The following RAB15 variants were observed in gnomAD, a reference collection of about 807,000 sequenced individuals.
RAB15 encodes ras-related protein Rab-15.
A neutral mutation model predicts 31.8 loss-of-function variants in RAB15; 13 were observed. That is an observed-to-expected ratio of 0.41 (90% confidence interval 0.27 to 0.65). The LOEUF (loss-of-function observed/expected upper bound fraction) is 0.65. Ranked by LOEUF, RAB15 falls within the 30% of genes least tolerant of loss-of-function variation. The pLI is 0.32. For synonymous variants in RAB15, 100 were observed against 105.6 expected (o/e 0.95, Z 0.33); for missense variants, 220 against 277.3 (o/e 0.79, Z 1.47).
Position 64,951,192 on chromosome 14 carries a change from A to G in RAB15, c.247-41T>C, listed in dbSNP as rs773502448. 11 of 1,531,844 alleles carry G rather than the reference A, an allele frequency of 7.2e-6. No individual in the cohort carries two copies. Among genetic ancestry groups the G allele is most frequent in the Admixed American group, 3.4e-5 (2 of 59,652 alleles). The allele number at this position is 1,531,844 out of a possible 1,614,324, so 94.9% of individuals were successfully genotyped here. ...ATAGAGAGATGTGATATGCACAGAG[A>G]GAGTGCAGTCATGGGGCCAGAAGGG... is the stretch of plus-strand genomic sequence containing the variant. On this transcript the variant is annotated intron_variant, in intron 3 of 6. Coordinates refer to ENST00000533601, the MANE Select transcript of RAB15 (RefSeq NM_001308154.2). The surrounding 1 kb of genome is among the most constrained non-coding windows in gnomAD (Gnocchi z 7.2).
At position 64,954,130 on chromosome 14, in the gene RAB15, C is replaced by T. The variant is rs1034393873; in HGVS notation, c.125-1559G>A. 21 of 985,286 alleles carry T rather than the reference C, an allele frequency of 2.1e-5. No individual in the cohort carries two copies. The African/African-American group carries it at 2.8e-4, about 13-fold the overall frequency. 61.0% of individuals were successfully genotyped at this position (985,286 alleles called of 1,614,324 possible). A position where few individuals can be genotyped will look rare whatever the true frequency, so the allele number is the denominator to read the frequency against. On this transcript the variant is annotated intron_variant, in intron 1 of 6. Transcript: ENST00000533601. The surrounding 1 kb of genome is among the most constrained non-coding windows in gnomAD (Gnocchi z 4.3). ...CCTGAACTAAATCGATTTGGTCAGA[C>T]GTGAATCATTTCTCGCCTGCCCAAG... is the stretch of plus-strand genomic sequence containing the variant.
rs148536420 is a variant in RAB15, at chr14:64,953,873, G to A, written c.125-1302C>T. The A allele has an allele frequency of 7.5e-5, 74 of 985,330 alleles. No homozygotes were observed. The East Asian group carries it at 2.6e-3, about 35-fold the overall frequency. 61.0% of individuals were successfully genotyped at this position (985,330 alleles called of 1,614,324 possible). A position where few individuals can be genotyped will look rare whatever the true frequency, so the allele number is the denominator to read the frequency against. On this transcript the variant is annotated intron_variant, in intron 1 of 6. Coordinates refer to ENST00000533601, the MANE Select transcript of RAB15 (RefSeq NM_001308154.2). This position sits in a 1 kb window ranked among gnomAD's most constrained non-coding sequence, Gnocchi z 4.6. ...TGGGAACATGGTAGAGTTCCGAACC[G>A]TCTGCCACCAGCTGCACTGCCCGGC...
chr14:64,952,695 G>A lies in RAB15; in HGVS notation c.125-124C>T, dbSNP rs1886327689. On this transcript the variant is annotated intron_variant, in intron 1 of 6. Transcript: ENST00000533601. The surrounding 1 kb of genome is among the most constrained non-coding windows in gnomAD (Gnocchi z 4.2). Reference sequence around the variant, plus strand: ...TAATTTGGCAAAGGGATGAAGTAATGTAAAGGCCTTCTTTAAGCAGAAACT... The same window carrying A: ...TAATTTGGCAAAGGGATGAAGTAATATAAAGGCCTTCTTTAAGCAGAAACT... 1.6e-6 allele frequency: 1 copy of A among 638,034 alleles called. No homozygotes were observed. The highest frequency in any genetic ancestry group is 2.8e-5 in the Admixed American group (1 of 35,584). The allele number at this position is 638,034 out of a possible 1,614,324, so 39.5% of individuals were successfully genotyped here.
In RAB15 at chr14:64,951,762, TA is replaced by T; in HGVS notation, c.186-100del. The T allele has an allele frequency of 9.6e-7, 1 of 1,045,382 alleles. No homozygotes were observed. 64.8% of individuals were successfully genotyped at this position (1,045,382 alleles called of 1,614,324 possible). ...CCCCTTGTAGGAAAAACTGGGGAGC[TA>T]AAGGGTGAAAAACCAGGGATGCTTG... On this transcript the variant is annotated intron_variant, in intron 2 of 6. Coordinates refer to ENST00000533601, the MANE Select transcript of RAB15 (RefSeq NM_001308154.2). The surrounding 1 kb of genome is among the most constrained non-coding windows in gnomAD (Gnocchi z 7.2).
At chr14:64,961,061 C>G (rs1039002667) in intron 1 of RAB15, among the ~76,000 whole-genome samples, 41 of 152,070 alleles carry the variant, frequency 2.7e-4, no homozygotes, top group African/African-American at 9.9e-4. Flanking sequence ...CAGGATCAAC[C>G]ACAGCCCAAA....
Position 64,962,530 on chromosome 14 carries a change from TAG to T in RAB15, c.124+9421_124+9422del, listed in dbSNP as rs1566847610. On this transcript the variant is annotated intron_variant, in intron 1 of 6. Transcript: ENST00000533601. The surrounding 1 kb of genome is among the most constrained non-coding windows in gnomAD (Gnocchi z 4.2). ...GATAAGAAGCAACTGCGGGATAAAG[TAG>T]AGAGTGAGGAGACCCCAAGCACAAG... Among the ~76,000 whole-genome samples, 3 of 152,058 alleles carry T rather than the reference TAG, an allele frequency of 2.0e-5. No individual in the cohort carries two copies. The highest frequency in any genetic ancestry group is 7.2e-5 in the African/African-American group (3 of 41,404).
intron 1 of RAB15, among the ~76,000 whole-genome samples, chr14:64,964,768 G>T (rs113600249): frequency 2.6e-5 from 4 of 151,962 alleles, no homozygotes; most frequent in African/African-American, 9.6e-5. Flanking sequence ...GTAGAGATGA[G>T]GTTTCACTAT....
Position 64,972,056 on chromosome 14 carries a change from C to A in RAB15, c.21G>T (p.Val7=), listed in dbSNP as rs1366916171. The A allele has an allele frequency of 6.2e-7, 1 of 1,610,210 alleles. No individual in the cohort carries two copies. Among genetic ancestry groups the A allele is most frequent in the African/African-American group, 1.3e-5 (1 of 74,902 alleles). MAKQYD[V]LFRLLLIGDS... is the part of the protein sequence containing the mutation. Reference sequence around the variant, plus strand: ...CCCCGATCAGCAGCAGCCGGAACAGCACATCGTACTGCTTCGCCATGACTG... The same window carrying A: ...CCCCGATCAGCAGCAGCCGGAACAGAACATCGTACTGCTTCGCCATGACTG... Residue 7 remains valine, a synonymous_variant, in exon 1 of 7, where the codon GTG becomes GTT. Transcript: ENST00000533601. This position sits in a 1 kb window ranked among gnomAD's most constrained non-coding sequence, Gnocchi z 6.3.
chr14:64,946,478 C>T lies in RAB15; in HGVS notation c.*1876G>A, dbSNP rs1885927925. 6.6e-6 allele frequency: 1 copy of T among 152,418 alleles called. No homozygotes were observed. Among genetic ancestry groups the T allele is most frequent in the African/African-American group, 2.4e-5 (1 of 41,590 alleles). The allele number at this position is 152,418 out of a possible 1,614,324, so 9.4% of individuals were successfully genotyped here. A position where few individuals can be genotyped will look rare whatever the true frequency, so the allele number is the denominator to read the frequency against. ...AACTCCAGCCTAGTCACAGCTTCAT[C>T]CTAGAGTTAGCTGTCTCCTTTTCTC... On this transcript the variant is annotated 3_prime_UTR_variant, in exon 7 of 7. Coordinates refer to ENST00000533601, the MANE Select transcript of RAB15 (RefSeq NM_001308154.2).
At chr14:64,963,013 T>A (rs74056627) in intron 1 of RAB15, among the ~76,000 whole-genome samples, 7,847 of 151,686 alleles carry the variant, frequency 0.052, 698 homozygotes, top group African/African-American at 0.18. Context: ...ATACACTGAA[T>A]AAATGGCATG....
chr14:64,952,451 C>T lies in RAB15; in HGVS notation c.185+60G>A. ...GGAATTTTACACATGGCAGGGGCAGCTAAGGAGCAGCCAGAAGTCCTCTTC... is the reference window on the plus strand; with the variant it reads ...GGAATTTTACACATGGCAGGGGCAGTTAAGGAGCAGCCAGAAGTCCTCTTC... On this transcript the variant is annotated intron_variant, in intron 2 of 6. Coordinates refer to ENST00000533601, the MANE Select transcript of RAB15 (RefSeq NM_001308154.2). This position sits in a 1 kb window ranked among gnomAD's most constrained non-coding sequence, Gnocchi z 4.2. 2 of 1,332,230 alleles carry T rather than the reference C, an allele frequency of 1.5e-6. No homozygotes were observed. The highest frequency in any genetic ancestry group is 2.4e-5 in the South Asian group (2 of 84,216). 82.5% of individuals were successfully genotyped at this position (1,332,230 alleles called of 1,614,324 possible).
chr14:64,965,129 G>C (rs930836806), intron 1 of RAB15, among the ~76,000 whole-genome samples: 5 of 152,124 alleles, frequency 3.3e-5, no homozygotes, highest in African/African-American at 1.2e-4. Flanking sequence ...AAGTGTTTTT[G>C]TTTTGTTTTC....
At position 64,950,852 on chromosome 14, in the gene RAB15, C is replaced by T. The variant is rs1376257758; in HGVS notation, c.324+222G>A. Reference sequence around the variant, plus strand: ...TCACAGGGAAGACTTGGAACTAATTCATTTCCGGGAAAGACACAGCCGTGG... The same window carrying T: ...TCACAGGGAAGACTTGGAACTAATTTATTTCCGGGAAAGACACAGCCGTGG... On this transcript the variant is annotated intron_variant, in intron 4 of 6. Transcript: ENST00000533601. The surrounding 1 kb of genome is among the most constrained non-coding windows in gnomAD (Gnocchi z 5.6). The T allele has an allele frequency of 1.1e-6, 1 of 880,686 alleles. No individual in the cohort carries two copies. Among genetic ancestry groups the T allele is most frequent in the African/African-American group, 1.7e-5 (1 of 59,462 alleles). 54.6% of individuals were successfully genotyped at this position (880,686 alleles called of 1,614,324 possible).
Position 64,950,318 on chromosome 14 carries a change from C to A in RAB15, c.414+7G>T, listed in dbSNP as rs200898925. The A allele has an allele frequency of 3.7e-6, 6 of 1,612,836 alleles. No homozygotes were observed. In the African/African-American group the frequency reaches 8.0e-5, roughly 22 times the overall value. ...CTGGGGTGGACTTGCCTTTTCCCTC[C>A]ACTTACCTGCTGCCCTTGCTCTCTT... On this transcript the variant is annotated splice_region_variant and intron_variant, in intron 5 of 6. Transcript: ENST00000533601. This position sits in a 1 kb window ranked among gnomAD's most constrained non-coding sequence, Gnocchi z 5.6.
chr14:64,948,856 GATA>G lies in RAB15; in HGVS notation c.415-126_415-124del. On this transcript the variant is annotated intron_variant, in intron 5 of 6. Transcript: ENST00000533601. The surrounding 1 kb of genome is among the most constrained non-coding windows in gnomAD (Gnocchi z 7.0). ...TGTGTTGTGACGATTTCTCAGAGTA[GATA>G]ATTTCTCAGATGGGACTGGGAGCTC... 1 of 842,754 alleles carries G rather than the reference GATA, an allele frequency of 1.2e-6. No individual in the cohort carries two copies. The highest frequency in any genetic ancestry group is 1.9e-6 in the Non-Finnish European group (1 of 526,238). 52.2% of individuals were successfully genotyped at this position (842,754 alleles called of 1,614,324 possible). A position where few individuals can be genotyped will look rare whatever the true frequency, so the allele number is the denominator to read the frequency against.
In RAB15 at chr14:64,972,162, G is replaced by A. The variant is rs1470764869; in HGVS notation, c.-86C>T. ...CTGCCATCGCGGCCCGCGCCCGCCC[G>A]GGGACGCTGCGGGCGGCGAGGAGGA... On this transcript the variant is annotated 5_prime_UTR_variant, in exon 1 of 7. Coordinates refer to ENST00000533601, the MANE Select transcript of RAB15 (RefSeq NM_001308154.2). This position sits in a 1 kb window ranked among gnomAD's most constrained non-coding sequence, Gnocchi z 6.3. 1.7e-6 allele frequency: 2 copies of A among 1,147,374 alleles called. No individual in the cohort carries two copies. The highest frequency in any genetic ancestry group is 1.6e-5 in the African/African-American group (1 of 61,514). The allele number at this position is 1,147,374 out of a possible 1,614,324, so 71.1% of individuals were successfully genotyped here. A position where few individuals can be genotyped will look rare whatever the true frequency, so the allele number is the denominator to read the frequency against.
Position 64,965,176 on chromosome 14 carries a change from G to A in RAB15, c.124+6777C>T, listed in dbSNP as rs568906978. On this transcript the variant is annotated intron_variant, in intron 1 of 6. Transcript: ENST00000533601. ...TTTTGTTTTTTTAAGAGATGGGGTC[G>A]GCCAGCCATGGTGGCTCACTCCTGT... Among the ~76,000 whole-genome samples the A allele has an allele frequency of 4.0e-5, 6 of 151,704 alleles. No homozygotes were observed. The South Asian group carries it at 1.3e-3, about 32-fold the overall frequency.
At chr14:64,959,848 CAAAAAAAAAAA>C (rs34981340) in intron 1 of RAB15, among the ~76,000 whole-genome samples, 1 of 42,068 alleles carries the variant, frequency 2.4e-5, no homozygotes, top group East Asian at 7.9e-4. Flanking sequence ...GACCCTGTCT[CAAAAAAAAAAA>C]AAAAAAAAAA....
intron 1 of RAB15, among the ~76,000 whole-genome samples, chr14:64,960,496 T>G (rs1886799615): frequency 6.6e-6 from 1 of 152,208 alleles, no homozygotes; most frequent in South Asian, 2.1e-4. Context: ...CAACCCTGCC[T>G]TTATCACTAA....
Sources: gnomAD v4.1 joint callset for allele counts (sites outside exome capture counted in the v4.1 genomes callset) on GRCh38, gnomAD v4.1.1 for gene constraint, Gnocchi (gnomAD v3.1) non-coding constraint, MANE v1.5 for transcripts, NCBI Gene and HGNC (gene_info 2026-07-23, HGNC 2026-07-21) for gene names.